DSC3: variants seen among roughly 807,000 people sequenced by gnomAD.
DSC3 encodes desmocollin-3.
Under a neutral mutation model 89.5 loss-of-function variants are expected in DSC3, and 97 were observed. The ratio of observed to expected loss-of-function variants is 1.08; its 90% CI spans 0.92 to 1.28. DSC3 has a LOEUF of 1.28. Ranked by LOEUF, DSC3 falls within the 50% of genes most tolerant of loss-of-function variation. The pLI is 0.00. For synonymous variants in DSC3, 436 were observed against 384.1 expected, an observed-to-expected ratio of 1.14 and a Z score of -1.58; for missense variants, 1,199 against 1,085.3, an observed-to-expected ratio of 1.10 and a Z score of -1.47.
Position 31,008,402 on chromosome 18 carries a change from T to A in DSC3, c.1387A>T (p.Arg463Trp). ...LNRALVTVHV[R>W]DLDEGPECTP... ...CATTCAGGCCCCTCATCCAGATCCCTCACATGAACTGTAACCAAGGCTCTG... is the reference window on the plus strand; with the variant it reads ...CATTCAGGCCCCTCATCCAGATCCCACACATGAACTGTAACCAAGGCTCTG... Residue 463 changes from arginine (R) to tryptophan (W), a missense_variant, in exon 10 of 16, where the codon AGG (arginine) becomes TGG (tryptophan). Arg to Trp is a moderately radical substitution (Grantham distance 101, BLOSUM62 -3). Coordinates refer to ENST00000360428, the MANE Select transcript of DSC3 (RefSeq NM_001941.5). The A allele has an allele frequency of 6.2e-7, 1 of 1,614,146 alleles. No individual in the cohort carries two copies. Among genetic ancestry groups the A allele is most frequent in the South Asian group, 1.1e-5 (1 of 91,086 alleles).
intron 1 of DSC3, 24 bp downstream of exon 1, chr18:31,042,568 C>A (rs1445981415): frequency 4.5e-6 from 7 of 1,549,798 alleles, no homozygotes; most frequent in Non-Finnish European, 6.1e-6. Context: ...CCACCCCAGC[C>A]CTATCCGGCG....
intron 9 of DSC3, among the ~76,000 whole-genome samples, chr18:31,012,340 T>C (rs1428457047): frequency 3.3e-5 from 5 of 152,314 alleles, no homozygotes; most frequent in Non-Finnish European, 7.4e-5. Context: ...AATGGCTTTA[T>C]CAAGCTAAGT....
At chr18:31,015,892 T>C (rs147143075) in intron 9 of DSC3, among the ~76,000 whole-genome samples, 141 of 152,286 alleles carry the variant, frequency 9.3e-4, no homozygotes, top group Admixed American at 3.3e-3. Flanking sequence ...ACCCTGCTGA[T>C]TAAAACAGAA....
At chr18:31,022,281 G>C (rs1985446587) in intron 7 of DSC3, 55 bp downstream of exon 7, 1 of 1,599,316 alleles carries the variant, frequency 6.3e-7, no homozygotes, top group Non-Finnish European at 8.6e-7. Context: ...ATAATAAATG[G>C]GGGAGGGAAG....
At position 30,990,974 on chromosome 18, in the gene DSC3, T is replaced by TTGTG. The variant is rs57410961; in HGVS notation, c.*3200_*3201insCACA. ...CCCCATTAATACAACAAAGACATAATTATTTCTATTTCCATGCCAGCCATA... is the reference window on the plus strand; with the variant it reads ...CCCCATTAATACAACAAAGACATAATTGTGTATTTCTATTTCCATGCCAGCCATA... On this transcript the variant is annotated 3_prime_UTR_variant, in exon 16 of 16. Transcript: ENST00000360428. The TTGTG allele has an allele frequency of 6.6e-6, 1 of 151,574 alleles. No homozygotes were observed. The highest frequency in any genetic ancestry group is 2.4e-5 in the African/African-American group (1 of 41,196). The allele number at this position is 151,574 out of a possible 1,614,324, so 9.4% of individuals were successfully genotyped here.
Position 30,996,788 on chromosome 18 carries a change from C to T in DSC3, c.2493+3G>A. ...TAGACTCAAAACACCTAAGGAAACTCACTTCACCGAGACGGGGTTGAGTAA... is the reference window on the plus strand; with the variant it reads ...TAGACTCAAAACACCTAAGGAAACTTACTTCACCGAGACGGGGTTGAGTAA... On this transcript the variant is annotated splice_donor_region_variant and intron_variant, in intron 15 of 15. Transcript: ENST00000360428. 1 of 1,613,278 alleles carries T rather than the reference C, an allele frequency of 6.2e-7. No homozygotes were observed. The highest frequency in any genetic ancestry group is 8.5e-7 in the Non-Finnish European group (1 of 1,179,928).
intron 7 of DSC3, 62 bp from the exon 8 acceptor site, chr18:31,018,862 C>T: frequency 3.4e-6 from 5 of 1,483,594 alleles, no homozygotes; most frequent in Non-Finnish European, 4.7e-6. Flanking sequence ...ATAAATGAAA[C>T]CTCAATTGCA....
chr18:30,989,988 C>A lies in DSC3; in HGVS notation c.*4187G>T, dbSNP rs1420822136. The A allele has an allele frequency of 6.6e-6, 1 of 152,094 alleles. No individual in the cohort carries two copies. The highest frequency in any genetic ancestry group is 1.5e-5 in the Non-Finnish European group (1 of 68,008). The allele number at this position is 152,094 out of a possible 1,614,324, so 9.4% of individuals were successfully genotyped here. Reference sequence around the variant, plus strand: ...AATCAACACAGAAAGAATAAATTATCAATTCCATTGTCTGGAAATCATGTT... The same window carrying A: ...AATCAACACAGAAAGAATAAATTATAAATTCCATTGTCTGGAAATCATGTT... On this transcript the variant is annotated 3_prime_UTR_variant, in exon 16 of 16. Transcript: ENST00000360428.
rs909942935 is a variant in DSC3 at position 30,991,092 on chromosome 18, C to T, written c.*3083G>A. ...AAGTTAATATTGTTTTATTACATCT[C>T]CCCACATCTGTAAATATTACTTTAC... On this transcript the variant is annotated 3_prime_UTR_variant, in exon 16 of 16. Transcript: ENST00000360428. 2.0e-5 allele frequency: 3 copies of T among 152,576 alleles called. No individual in the cohort carries two copies. The highest frequency in any genetic ancestry group is 2.9e-5 in the Non-Finnish European group (2 of 68,036). The allele number at this position is 152,576 out of a possible 1,614,324, so 9.5% of individuals were successfully genotyped here. A position where few individuals can be genotyped will look rare whatever the true frequency, so the allele number is the denominator to read the frequency against.
intron 15 of DSC3, among the ~76,000 whole-genome samples, chr18:30,995,023 A>G (rs1198759316): frequency 3.9e-5 from 6 of 152,184 alleles, no homozygotes. Context: ...CATGCATCGA[A>G]AAGTTCAATG....
Position 31,042,737 on chromosome 18 carries a change from CG to C in DSC3, c.-78del. The C allele has an allele frequency of 7.3e-7, 1 of 1,365,416 alleles. No homozygotes were observed. The highest frequency in any genetic ancestry group is 2.2e-5 in the Admixed American group (1 of 45,562). 84.6% of individuals were successfully genotyped at this position (1,365,416 alleles called of 1,614,324 possible). ...GCGAGACCTGCCGAGGTGCAGGGCGCGGGAGGTGCTTTTCTCGCCGCTGCTT... is the reference window on the plus strand; with the variant it reads ...GCGAGACCTGCCGAGGTGCAGGGCGCGGAGGTGCTTTTCTCGCCGCTGCTT... On this transcript the variant is annotated 5_prime_UTR_variant, in exon 1 of 16. Coordinates refer to ENST00000360428, the MANE Select transcript of DSC3 (RefSeq NM_001941.5).
chr18:31,022,551 A>G (rs1448415735), intron 6 of DSC3, 49 bp from the exon 7 acceptor site: 5 of 1,595,960 alleles, frequency 3.1e-6, no homozygotes, highest in East Asian at 2.2e-5. Flanking sequence ...ATTGTTAAAT[A>G]TACTTTCAAA....
chr18:31,005,739 A>G (rs551947080), intron 12 of DSC3, among the ~76,000 whole-genome samples: 3 of 152,320 alleles, frequency 2.0e-5, no homozygotes, highest in African/African-American at 7.2e-5. Context: ...TAGGAAACTC[A>G]TGTATTGGAA....
In DSC3 at chr18:31,031,134, G is replaced by A. The variant is rs188023754; in HGVS notation, c.193C>T (p.Arg65Trp). ...ACTCTGAAATCAGGATCACTTGACCGGATGAGGTCTGCAGACCTGAAGCAC... is the reference window on the plus strand; with the variant it reads ...ACTCTGAAATCAGGATCACTTGACCAGATGAGGTCTGCAGACCTGAAGCAC... ...EECFRSADLIRSSDPDFRVLN... is the reference protein window; with the variant it reads ...EECFRSADLIWSSDPDFRVLN... The change falls in exon 3 of 16, where the codon CGG becomes TGG. Residue 65 changes from arginine (R) to tryptophan (W), a missense_variant. Transcript: ENST00000360428. 225 of 1,613,284 alleles carry A rather than the reference G, an allele frequency of 1.4e-4. 1 individual carries two copies. In the East Asian group the frequency reaches 3.4e-3, roughly 25 times the overall value.
intron 1 of DSC3, among the ~76,000 whole-genome samples, chr18:31,041,569 C>T (rs978983380): frequency 6.6e-6 from 1 of 152,200 alleles, no homozygotes; most frequent in Non-Finnish European, 1.5e-5. Context: ...ATAGACCTCG[C>T]TCCCATCGGA....
chr18:31,006,850 A>G, intron 12 of DSC3, 57 bp downstream of exon 12: 1 of 1,356,774 alleles, frequency 7.4e-7, no homozygotes, highest in South Asian at 1.2e-5. Flanking sequence ...AAGTCAATCT[A>G]TCCTCCAGTT....
chr18:30,998,138 A>G (rs9950259), intron 14 of DSC3, among the ~76,000 whole-genome samples: 1,950 of 152,316 alleles, frequency 0.013, 32 homozygotes, highest in African/African-American at 0.045. Flanking sequence ...ATAAGAAGAC[A>G]AATTTAAGTT....
Position 31,008,295 on chromosome 18 carries a change from G to T in DSC3, c.1494C>A (p.Pro498=), listed in dbSNP as rs774337244. The change falls in exon 10 of 16, where the codon CCC becomes CCA. Residue 498 remains proline (P), a synonymous_variant. Transcript: ENST00000360428. ...SKINGYKAYD[P]ENRNGNGLRY... ...TTAAACCATTGCCATTTCTATTTTCGGGGTCATATGCCTTATAGCCGTTGA... is the reference window on the plus strand; with the variant it reads ...TTAAACCATTGCCATTTCTATTTTCTGGGTCATATGCCTTATAGCCGTTGA... The T allele has an allele frequency of 6.2e-7, 1 of 1,613,792 alleles. No homozygotes were observed.
At chr18:31,036,010 T>A (rs1985957250) in intron 1 of DSC3, among the ~76,000 whole-genome samples, 1 of 152,168 alleles carries the variant, frequency 6.6e-6, no homozygotes, top group South Asian at 2.1e-4. Flanking sequence ...CAGTTTATTT[T>A]TAGTCATTCT....
Sources: gnomAD v4.1 joint callset for allele counts (sites outside exome capture counted in the v4.1 genomes callset) on GRCh38, gnomAD v4.1.1 for gene constraint, MANE v1.5 for transcripts, NCBI Gene and HGNC (gene_info 2026-07-23, HGNC 2026-07-21) for gene names.